The following POLR1B variants were observed in gnomAD, a reference collection of about 807,000 sequenced individuals.
POLR1B encodes RNA polymerase I subunit B, also known as DNA-directed RNA polymerase I subunit RPA2.
POLR1B carries 30 observed loss-of-function variants against 105.8 expected under a neutral mutation model. The observed-to-expected ratio is 0.28, with a 90% CI of 0.21 to 0.38. The LOEUF (loss-of-function observed/expected upper bound fraction) is 0.38. POLR1B is among the 10% of genes least tolerant of loss of function. The pLI, the probability that POLR1B is intolerant of heterozygous loss-of-function variation, is 1.00. For missense variants in POLR1B, 976 were observed against 1,435.8 expected (o/e 0.68, Z 5.17); for synonymous variants, 485 against 505.1 (o/e 0.96, Z 0.53).
rs1472029330 is a variant in POLR1B at position 112,579,075 on chromosome 2, G to A, written c.*3346G>A. ...ATACAAAAATTAGCTGGGTGTGATG[G>A]CACACGCCTGTAATCCCAGCTACTC... On this transcript the variant is annotated 3_prime_UTR_variant, in exon 15 of 15. Coordinates refer to ENST00000263331, the MANE Select transcript of POLR1B (RefSeq NM_019014.6). Among the ~76,000 whole-genome samples, 1 of 151,990 alleles carries A rather than the reference G, an allele frequency of 6.6e-6. No individual in the cohort carries two copies. The highest frequency in any genetic ancestry group is 1.9e-4 in the East Asian group (1 of 5,180).
rs760748470 is a variant in POLR1B, at chr2:112,568,761, G to T, written c.1933G>T (p.Ala645Ser). 3.7e-6 allele frequency: 6 copies of T among 1,613,874 alleles called. No homozygotes were observed. In the East Asian group the frequency reaches 1.1e-4, roughly 30 times the overall value. Residue 645 changes from alanine to serine, a missense_variant, in exon 12 of 15, where the codon GCT (alanine) becomes TCT (serine). This residue lies in a region of POLR1B where 184 missense variants were observed against 197.4 expected (regional missense o/e 0.93). Coordinates refer to ENST00000263331, the MANE Select transcript of POLR1B (RefSeq NM_019014.6). ...GCTCTTCCAGATCTTCATGAATGTC[G>T]CTATCTTTGAGGATGAAGTTTTTGC... ...GTMEQIFMNV[A>S]IFEDEVFAGV...
At chr2:112,553,453 T>C (rs1338163170) in intron 7 of POLR1B, 6 of 152,072 alleles carry the variant, frequency 3.9e-5, no homozygotes, top group Non-Finnish European at 7.3e-5. Flanking sequence ...GCTGGGACTA[T>C]AGACATTCAC....
intron 9 of POLR1B, 173 bp from the exon 10 acceptor site, chr2:112,564,193 C>T: frequency 1.4e-6 from 1 of 707,842 alleles, no homozygotes; most frequent in Non-Finnish European, 2.2e-6. Flanking sequence ...CATTGATAAG[C>T]CTGCTTGAAA....
chr2:112,554,293 C>T lies in POLR1B; in HGVS notation c.1158+1477C>T, dbSNP rs1477077128. On this transcript the variant is annotated intron_variant, in intron 7 of 14. Transcript: ENST00000263331. The stretch of plus-strand genomic sequence containing the variant: ...GATTACAGGCGCGTGCCACCATGCC[C>T]GGCGAATTTTTTTATTTTTAGTAGA... Among the ~76,000 whole-genome samples the T allele has an allele frequency of 4.0e-5, 6 of 151,646 alleles. No individual in the cohort carries two copies. The South Asian group carries it at 6.3e-4, about 16-fold the overall frequency.
At chr2:112,553,242 C>T (rs1683464980) in intron 7 of POLR1B, 1 of 153,272 alleles carries the variant, frequency 6.5e-6, no homozygotes, top group African/African-American at 2.4e-5. Flanking sequence ...GCAAATGTTA[C>T]AGCTGAGGCG....
intron 9 of POLR1B, among the ~76,000 whole-genome samples, chr2:112,561,425 A>C (rs1020841947): frequency 6.6e-6 from 1 of 151,780 alleles, no homozygotes; most frequent in Non-Finnish European, 1.5e-5. Flanking sequence ...CAAACACTTG[A>C]TGTCTTCAGA....
intron 4 of POLR1B, among the ~76,000 whole-genome samples, chr2:112,550,496 A>G (rs1683314220): frequency 1.3e-5 from 2 of 152,148 alleles, no homozygotes; most frequent in South Asian, 4.2e-4. Flanking sequence ...CCTGAAACTG[A>G]AATAAAATCT....
intron 5 of POLR1B, 23 bp downstream of exon 5, chr2:112,551,025 T>C (rs756005176): frequency 1.2e-6 from 2 of 1,605,714 alleles, no homozygotes; most frequent in African/African-American, 1.3e-5. Flanking sequence ...GAATGCATTC[T>C]TTTGTTATGA....
In POLR1B at chr2:112,551,896, C is replaced by T. The variant is rs1545133; in HGVS notation, c.884C>T (p.Ser295Leu). The T allele has an allele frequency of 0.56, 900,502 of 1,613,374 alleles. 255,197 individuals are homozygous for T. The highest frequency in any genetic ancestry group is 0.63 in the Middle Eastern group (3,828 of 6,060). The change falls in exon 6 of 15, where the codon TCG becomes TTG. Residue 295 changes from serine (S) to leucine (L), a missense_variant. Coordinates refer to ENST00000263331, the MANE Select transcript of POLR1B (RefSeq NM_019014.6). Reference sequence around the variant, plus strand: ...AGGATTGTAATGGAAGAGGGTTGTTCGACACAAAAACAGGTCCTTAACTAC... The same window carrying T: ...AGGATTGTAATGGAAGAGGGTTGTTTGACACAAAAACAGGTCCTTAACTAC... The part of the protein sequence containing the change: ...MLRIVMEEGC[S>L]TQKQVLNYLG...
Position 112,575,501 on chromosome 2 carries a change from C to G in POLR1B, c.3180C>G (p.Asn1060Lys), listed in dbSNP as rs1684819821. The change falls in exon 15 of 15, where the codon AAC (asparagine) becomes AAG (lysine). Residue 1060 changes from asparagine (N) to lysine (K), a missense_variant. Around this residue, in one of 12 missense-constraint regions of POLR1B, gnomAD observed 77 missense variants for 104.5 expected, o/e 0.74. Transcript: ENST00000263331. This position sits in a 1 kb window ranked among gnomAD's most constrained non-coding sequence, Gnocchi z 5.3. ...TTCTCCTTCATGACCGCCTCTTCAACTGCTCAGATCGGTCGGTAGCCCATG... is the reference window on the plus strand; with the variant it reads ...TTCTCCTTCATGACCGCCTCTTCAAGTGCTCAGATCGGTCGGTAGCCCATG... ...TSFLLHDRLF[N>K]CSDRSVAHVC... The G allele has an allele frequency of 6.2e-7, 1 of 1,614,084 alleles. No homozygotes were observed. Among genetic ancestry groups the G allele is most frequent in the Non-Finnish European group, 8.5e-7 (1 of 1,180,040 alleles).
rs1489389103 is a variant in POLR1B at position 112,573,940 on chromosome 2, G to A, written c.2525+125G>A. ...CAGCTCACTACAACCACCACCTCCC[G>A]GGCTCAAGCAATCCTCTCGCCTCAG... On this transcript the variant is annotated intron_variant, in intron 14 of 14. Transcript: ENST00000263331. 4.4e-5 allele frequency: 51 copies of A among 1,167,302 alleles called. No homozygotes were observed. The South Asian group carries it at 4.4e-4, about 10-fold the overall frequency. The allele number at this position is 1,167,302 out of a possible 1,614,324, so 72.3% of individuals were successfully genotyped here.
At chr2:112,549,459 T>G (rs1417422504) in intron 4 of POLR1B, 60 bp downstream of exon 4, 33 of 1,276,046 alleles carry the variant, frequency 2.6e-5, no homozygotes, top group Non-Finnish European at 3.4e-5. Flanking sequence ...TTTTTTTTTT[T>G]GAAGTAGATG....
intron 9 of POLR1B, among the ~76,000 whole-genome samples, chr2:112,559,823 G>T (rs917142397): frequency 6.6e-6 from 1 of 151,930 alleles, no homozygotes; most frequent in African/African-American, 2.4e-5. Context: ...GTAGAGACAG[G>T]GTTTCACCGT....
intron 11 of POLR1B, 148 bp downstream of exon 11, chr2:112,568,285 C>T (rs1224976311): frequency 1.3e-6 from 1 of 784,890 alleles, no homozygotes; most frequent in African/African-American, 1.7e-5. Context: ...TCCACCTCCT[C>T]TATGATCAGC....
rs1684862596 is a variant in POLR1B, at chr2:112,576,455, A to G, written c.*726A>G. On this transcript the variant is annotated 3_prime_UTR_variant, in exon 15 of 15. Transcript: ENST00000263331. ...AATTCCAGGCACCATGTTGTACAAC[A>G]GATCTTTAGACCTTACTTGTCTTGC... 1 of 152,260 alleles carries G rather than the reference A, an allele frequency of 6.6e-6. No individual in the cohort carries two copies. The highest frequency in any genetic ancestry group is 2.1e-4 in the South Asian group (1 of 4,832). The allele number at this position is 152,260 out of a possible 1,614,324, so 9.4% of individuals were successfully genotyped here.
chr2:112,568,955 T>A, intron 12 of POLR1B, 53 bp downstream of exon 12: 1 of 1,517,340 alleles, frequency 6.6e-7, no homozygotes, highest in Non-Finnish European at 9.0e-7. Context: ...AACTTGATAC[T>A]AGCACACTCT....
chr2:112,542,701 C>A, intron 1 of POLR1B, 30 bp downstream of exon 1: 1 of 1,608,174 alleles, frequency 6.2e-7, no homozygotes, highest in East Asian at 2.2e-5. Flanking sequence ...GCGCCCTTGC[C>A]GCGGCGAGGC....
chr2:112,562,375 C>G (rs989368963), intron 9 of POLR1B, among the ~76,000 whole-genome samples: 2 of 152,092 alleles, frequency 1.3e-5, no homozygotes, highest in African/African-American at 4.8e-5. Context: ...TGTCCCCTTG[C>G]TACTTCTTTC....
chr2:112,568,829 G>A lies in POLR1B; in HGVS notation c.2001G>A (p.Leu667=). Reference sequence around the variant, plus strand: ...AGGAACTCTTTCCACACAGCCTGCTGAGTGTGATTGCCAACTTCATCCCTT... The same window carrying A: ...AGGAACTCTTTCCACACAGCCTGCTAAGTGTGATTGCCAACTTCATCCCTT... ...THQELFPHSL[L]SVIANFIPFS... is the part of the protein sequence containing the mutation. Residue 667 remains leucine (L), a synonymous_variant, in exon 12 of 15, where the codon CTG becomes CTA. Transcript: ENST00000263331. The A allele has an allele frequency of 6.2e-7, 1 of 1,614,204 alleles. No homozygotes were observed. The highest frequency in any genetic ancestry group is 8.5e-7 in the Non-Finnish European group (1 of 1,180,018).
Sources: gnomAD v4.1 joint callset for allele counts (sites outside exome capture counted in the v4.1 genomes callset) on GRCh38, gnomAD v4.1.1 for gene constraint, gnomAD v4.1.1 regional missense constraint, Gnocchi (gnomAD v3.1) non-coding constraint, MANE v1.5 for transcripts, NCBI Gene and HGNC (gene_info 2026-07-23, HGNC 2026-07-21) for gene names.